The following COBL variants were observed in gnomAD, a reference collection of about 807,000 sequenced individuals.
COBL encodes protein cordon-bleu.
Under a neutral mutation model 98.8 loss-of-function variants are expected in COBL, and 51 were observed. The ratio of observed to expected loss-of-function variants is 0.52; its 90% CI spans 0.41 to 0.65. COBL has a LOEUF of 0.65. COBL is among the 30% of genes least tolerant of loss of function. The pLI is 0.00. For synonymous variants in COBL, 634 were observed against 651.7 expected, an observed-to-expected ratio of 0.97 and a Z score of 0.41; for missense variants, 1,617 against 1,617.5, an observed-to-expected ratio of 1.00 and a Z score of 0.01.
chr7:51,032,506 T>G (rs1156963620), intron 8 of COBL: 1 of 152,230 alleles, frequency 6.6e-6, no homozygotes, highest in Non-Finnish European at 1.5e-5. Flanking sequence ...TAATGATGCA[T>G]GAAATAAGCT....
chr7:51,017,581 G>C lies in COBL; in HGVS notation c.3769-13C>G. On this transcript the variant is annotated splice_polypyrimidine_tract_variant and intron_variant, in intron 12 of 12. Transcript: ENST00000265136. ...CGAGCAAGGGCACCTGCAGGGAAGA[G>C]AGATTCACAGTTATTTGGTATGTCA... 6.2e-7 allele frequency: 1 copy of C among 1,613,904 alleles called. No individual in the cohort carries two copies. The highest frequency in any genetic ancestry group is 8.5e-7 in the Non-Finnish European group (1 of 1,179,770).
intron 5 of COBL, among the ~76,000 whole-genome samples, chr7:51,146,573 T>C (rs1026810141): frequency 6.8e-6 from 1 of 147,140 alleles, no homozygotes; most frequent in Non-Finnish European, 1.5e-5. Context: ...GTTCTCCCAT[T>C]AAGATATTAT....
chr7:51,074,705 T>A (rs1249320016), intron 7 of COBL, among the ~76,000 whole-genome samples: 1 of 152,198 alleles, frequency 6.6e-6, no homozygotes, highest in Non-Finnish European at 1.5e-5. Context: ...ATCAAAGAAA[T>A]CTGTTCTCAG....
At chr7:51,067,588 C>T (rs1057186399) in intron 7 of COBL, among the ~76,000 whole-genome samples, 2 of 152,186 alleles carry the variant, frequency 1.3e-5, no homozygotes, top group Non-Finnish European at 2.9e-5. Context: ...AACCACTAGT[C>T]ACACTGTAAC....
intron 7 of COBL, among the ~76,000 whole-genome samples, chr7:51,076,048 A>G (rs1036764462): frequency 1.3e-5 from 2 of 152,192 alleles, no homozygotes; most frequent in Non-Finnish European, 2.9e-5. Flanking sequence ...GGCAGCAGGA[A>G]CAGCTGTGTG....
At chr7:51,227,347 C>T (rs540224460) in intron 1 of COBL, among the ~76,000 whole-genome samples, 2 of 152,234 alleles carry the variant, frequency 1.3e-5, no homozygotes, top group South Asian at 4.2e-4. Context: ...AGACTGGAGT[C>T]ACAGGGAGAT....
At chr7:51,159,157 G>C (rs1015341122) in intron 5 of COBL, among the ~76,000 whole-genome samples, 10 of 152,176 alleles carry the variant, frequency 6.6e-5, no homozygotes, top group Non-Finnish European at 1.5e-4. Flanking sequence ...GGCCGCGCGC[G>C]CTGCGCTCTG....
At chr7:51,286,760 T>A (rs1454151667) in intron 1 of COBL, among the ~76,000 whole-genome samples, 1 of 152,158 alleles carries the variant, frequency 6.6e-6, no homozygotes, top group Non-Finnish European at 1.5e-5. Context: ...TTACTGGATA[T>A]ATATCCAAAG....
At position 51,251,562 on chromosome 7, in the gene COBL, T is replaced by C. The variant is rs115638834; in HGVS notation, c.42-31618A>G. ...ATTTCTAGCACTAGTTATCAAGATTTAGATCCATATCAAGATCCTTGAAGG... is the reference window on the plus strand; with the variant it reads ...ATTTCTAGCACTAGTTATCAAGATTCAGATCCATATCAAGATCCTTGAAGG... On this transcript the variant is annotated intron_variant, in intron 1 of 12. Transcript: ENST00000265136. 4.7e-3 allele frequency among the ~76,000 whole-genome samples: 720 copies of C among 152,362 alleles called. 4 individuals are homozygous for C. The highest frequency in any genetic ancestry group is 0.016 in the African/African-American group (669 of 41,592).
chr7:51,232,205 C>T (rs1357345592), intron 1 of COBL, among the ~76,000 whole-genome samples: 2 of 152,124 alleles, frequency 1.3e-5, no homozygotes, highest in African/African-American at 4.8e-5. Context: ...CACATGGTCA[C>T]CTTCTTCATC....
chr7:51,091,673 C>T (rs1794823816), intron 6 of COBL, among the ~76,000 whole-genome samples: 1 of 152,084 alleles, frequency 6.6e-6, no homozygotes, highest in Non-Finnish European at 1.5e-5. Flanking sequence ...ATTTTAAAAG[C>T]TCAAAGGACT....
intron 5 of COBL, among the ~76,000 whole-genome samples, chr7:51,161,504 G>C (rs540288377): frequency 6.6e-6 from 1 of 152,284 alleles, no homozygotes; most frequent in East Asian, 1.9e-4. Flanking sequence ...TAGGGCTTTT[G>C]CTATGGAAAT....
At chr7:51,140,425 C>T (rs1469811871) in intron 5 of COBL, among the ~76,000 whole-genome samples, 1 of 152,208 alleles carries the variant, frequency 6.6e-6, no homozygotes. Context: ...AGGAAGCTAA[C>T]CGTTTCCAGA....
chr7:51,029,622 T>G lies in COBL; in HGVS notation c.1505-31A>C, dbSNP rs375259494. ...AAGAGGGACAAACACAAATCACAGA[T>G]GTTTCCCACACCAATTACTTAGTGT... is the stretch of plus-strand genomic sequence containing the variant. On this transcript the variant is annotated intron_variant, in intron 9 of 12. Coordinates refer to ENST00000265136, the MANE Select transcript of COBL (RefSeq NM_015198.5). 4 of 1,543,860 alleles carry G rather than the reference T, an allele frequency of 2.6e-6. No individual in the cohort carries two copies. The Admixed American group carries it at 7.4e-5, about 29-fold the overall frequency.
chr7:51,045,476 T>C (rs1025570274), intron 7 of COBL, among the ~76,000 whole-genome samples: 3 of 152,120 alleles, frequency 2.0e-5, no homozygotes, highest in Admixed American at 6.6e-5. Context: ...TGTGCTCCCA[T>C]AGGCAGAGTG....
chr7:51,147,984 G>T (rs936991144), intron 5 of COBL, among the ~76,000 whole-genome samples: 1 of 151,872 alleles, frequency 6.6e-6, no homozygotes, highest in African/African-American at 2.4e-5. Flanking sequence ...GGATGGTCAC[G>T]ATCTCCGGAT....
At chr7:51,110,367 C>T (rs1562925295) in intron 6 of COBL, among the ~76,000 whole-genome samples, 1 of 152,108 alleles carries the variant, frequency 6.6e-6, no homozygotes, top group Non-Finnish European at 1.5e-5. Flanking sequence ...ATTATTTCTC[C>T]TTCTGTGCCT....
intron 1 of COBL, among the ~76,000 whole-genome samples, chr7:51,291,132 G>C (rs1563133252): frequency 6.6e-6 from 1 of 152,332 alleles, no homozygotes; most frequent in East Asian, 1.9e-4. Flanking sequence ...GCCATCGCGA[G>C]GCAGCGAAGA....
intron 4 of COBL, among the ~76,000 whole-genome samples, chr7:51,187,437 G>A (rs559774105): frequency 4.0e-5 from 6 of 151,706 alleles, no homozygotes; most frequent in African/African-American, 1.2e-4. Context: ...ATAGATGTTG[G>A]AATAAATGCA....
Sources: allele counts gnomAD v4.1 joint callset (sites outside exome capture counted in the v4.1 genomes callset), GRCh38; gene constraint gnomAD v4.1.1; transcripts MANE v1.5; gene names NCBI Gene and HGNC (gene_info 2026-07-23, HGNC 2026-07-21).